The following RALGPS2 variants were observed in gnomAD, a reference collection of about 807,000 sequenced individuals.
The protein encoded by RALGPS2 is Ral GEF with PH domain and SH3 binding motif 2, also known as ras-specific guanine nucleotide-releasing factor RalGPS2.
A neutral mutation model predicts 86.8 loss-of-function variants in RALGPS2; 43 were observed. The observed-to-expected ratio is 0.50, with a 90% CI of 0.39 to 0.64. RALGPS2 has a LOEUF of 0.64. Among genes scored for constraint, RALGPS2 ranks in the 30% least tolerant of loss-of-function variants. The pLI, the probability that RALGPS2 is intolerant of heterozygous loss-of-function variation, is 0.00. For synonymous variants in RALGPS2, 243 were observed against 231.3 expected (o/e 1.05, Z -0.46); for missense variants, 536 against 694.6 (o/e 0.77, Z 2.57).
intron 19 of RALGPS2, among the ~76,000 whole-genome samples, chr1:178,908,961 A>G (rs1309949507): frequency 6.6e-6 from 1 of 152,132 alleles, no homozygotes; most frequent in African/African-American, 2.4e-5. Flanking sequence ...TGGAGTCTTC[A>G]TCATGAAGTC....
intron 1 of RALGPS2, among the ~76,000 whole-genome samples, chr1:178,738,002 A>T (rs1293463931): frequency 6.6e-6 from 1 of 151,018 alleles, no homozygotes; most frequent in Non-Finnish European, 1.5e-5. Flanking sequence ...CTTGTTTCAA[A>T]CTCCTGGGCT....
At chr1:178,833,401 A>G in intron 7 of RALGPS2, 23 bp from the exon 8 acceptor site, 2 of 1,483,742 alleles carry the variant, frequency 1.3e-6, no homozygotes, top group Non-Finnish European at 1.8e-6. Flanking sequence ...TAAATAACTT[A>G]GGTTTTTCTG....
intron 7 of RALGPS2, among the ~76,000 whole-genome samples, chr1:178,823,968 C>T (rs1655628395): frequency 6.6e-6 from 1 of 152,062 alleles, no homozygotes; most frequent in African/African-American, 2.4e-5. Flanking sequence ...GCCCTGGGAA[C>T]CTCCAGGATT....
chr1:178,914,809 G>A (rs142771074), intron 19 of RALGPS2, among the ~76,000 whole-genome samples: 3 of 152,264 alleles, frequency 2.0e-5, no homozygotes, highest in East Asian at 1.9e-4. Context: ...GTCATAGAGC[G>A]AAAATTATTT....
In RALGPS2 at chr1:178,730,889, C is replaced by T. The variant is rs535760422; in HGVS notation, c.-84+5470C>T. On this transcript the variant is annotated intron_variant, in intron 1 of 19. Coordinates refer to ENST00000367635, the MANE Select transcript of RALGPS2 (RefSeq NM_152663.5). ...GCTAATTTTGTATTTTTAGGAGAGA[C>T]GGGGTTTCTCCATGTTGGTCAGGCT... is the stretch of plus-strand genomic sequence containing the variant. 3.3e-3 allele frequency among the ~76,000 whole-genome samples: 505 copies of T among 151,770 alleles called. 3 individuals are homozygous for T. Among genetic ancestry groups the T allele is most frequent in the African/African-American group, 0.012 (492 of 41,396 alleles).
chr1:178,753,684 A>T (rs993004523), intron 1 of RALGPS2: 2 of 152,206 alleles, frequency 1.3e-5, no homozygotes, highest in African/African-American at 4.8e-5. Flanking sequence ...CTGTCTTATT[A>T]TGGAATCGAG....
At chr1:178,759,681 G>A (rs1006721918) in intron 1 of RALGPS2, among the ~76,000 whole-genome samples, 3 of 151,864 alleles carry the variant, frequency 2.0e-5, no homozygotes, top group Non-Finnish European at 4.4e-5. Context: ...ATTAGTTAGT[G>A]CAGACAAGTT....
intron 18 of RALGPS2, among the ~76,000 whole-genome samples, chr1:178,904,196 G>T (rs906683854): frequency 2.0e-5 from 3 of 151,946 alleles, no homozygotes; most frequent in Admixed American, 6.6e-5. Flanking sequence ...TTTTCGATGG[G>T]ATTGGTTTTT....
At chr1:178,794,018 A>T (rs2102151775) in intron 4 of RALGPS2, among the ~76,000 whole-genome samples, 1 of 152,354 alleles carries the variant, frequency 6.6e-6, no homozygotes, top group Non-Finnish European at 1.5e-5. Flanking sequence ...CTCAGCACTT[A>T]TTAAAGTTTT....
At chr1:178,903,584 CAGTG>C in intron 18 of RALGPS2, among the ~76,000 whole-genome samples, 1 of 152,244 alleles carries the variant, frequency 6.6e-6, no homozygotes, top group African/African-American at 2.4e-5. Flanking sequence ...TCCCACGTAT[CAGTG>C]AGAACATATG....
intron 1 of RALGPS2, among the ~76,000 whole-genome samples, chr1:178,742,587 A>G (rs1265468413): frequency 6.6e-6 from 1 of 152,228 alleles, no homozygotes; most frequent in Non-Finnish European, 1.5e-5. Context: ...AGACTTGAAC[A>G]ATACTGTCAA....
chr1:178,861,953 A>T (rs967330974), intron 8 of RALGPS2, among the ~76,000 whole-genome samples: 1 of 151,604 alleles, frequency 6.6e-6, no homozygotes, highest in Non-Finnish European at 1.5e-5. Context: ...GCTCACTGCA[A>T]CCTCCGCCCC....
At chr1:178,811,270 A>G in intron 5 of RALGPS2, 45 bp from the exon 6 acceptor site, 1 of 1,426,340 alleles carries the variant, frequency 7.0e-7, no homozygotes, top group Non-Finnish European at 9.4e-7. Flanking sequence ...AAAAACTTAC[A>G]AATTAAAAAT....
chr1:178,907,931 C>T (rs536429655), intron 19 of RALGPS2, among the ~76,000 whole-genome samples: 2 of 152,216 alleles, frequency 1.3e-5, no homozygotes, highest in East Asian at 3.9e-4. Context: ...TAAGTCCATT[C>T]TTTTTGTTTG....
At position 178,747,867 on chromosome 1, in the gene RALGPS2, A is replaced by G. The variant is rs527703058; in HGVS notation, c.-84+22448A>G. On this transcript the variant is annotated intron_variant, in intron 1 of 19. Transcript: ENST00000367635. ...TAATCATAATGTTAATAGTTACTAA[A>G]TAAATGGGAATTAAAATCAGTGAAC... 1.7e-3 allele frequency: 957 copies of G among 568,748 alleles called. 3 individuals are homozygous for G. The highest frequency in any genetic ancestry group is 2.4e-3 in the Non-Finnish European group (757 of 317,402). 35.2% of individuals were successfully genotyped at this position (568,748 alleles called of 1,614,324 possible). A position where few individuals can be genotyped will look rare whatever the true frequency, so the allele number is the denominator to read the frequency against.
intron 1 of RALGPS2, among the ~76,000 whole-genome samples, chr1:178,745,032 T>G (rs1435626870): frequency 6.6e-6 from 1 of 152,160 alleles, no homozygotes; most frequent in Non-Finnish European, 1.5e-5. Flanking sequence ...GAAATTGAAA[T>G]GTAATAAAAC....
intron 8 of RALGPS2, among the ~76,000 whole-genome samples, chr1:178,866,894 CT>C (rs1400233663): frequency 1.3e-5 from 2 of 152,120 alleles, no homozygotes; most frequent in Non-Finnish European, 2.9e-5. Flanking sequence ...AGAGCCAAGA[CT>C]TTTTCCTTTC....
chr1:178,779,022 T>G (rs970566982), intron 2 of RALGPS2, among the ~76,000 whole-genome samples: 1 of 152,188 alleles, frequency 6.6e-6, no homozygotes, highest in African/African-American at 2.4e-5. Flanking sequence ...ATTTTTACAT[T>G]ACATCATCCT....
At chr1:178,886,658 A>T (rs1217938144) in intron 13 of RALGPS2, among the ~76,000 whole-genome samples, 1 of 152,158 alleles carries the variant, frequency 6.6e-6, no homozygotes, top group Non-Finnish European at 1.5e-5. Context: ...ATAAGCCATG[A>T]TTGGTTGAGG....
Sources: allele counts gnomAD v4.1 joint callset (sites outside exome capture counted in the v4.1 genomes callset), GRCh38; gene constraint gnomAD v4.1.1; transcripts MANE v1.5; gene names NCBI Gene and HGNC (gene_info 2026-07-23, HGNC 2026-07-21).